ERCC6L2: variants seen among roughly 807,000 people sequenced by gnomAD.
The protein encoded by ERCC6L2 is ERCC excision repair 6 like 2.
Under a neutral mutation model 132.0 loss-of-function variants are expected in ERCC6L2, and 77 were observed. The ratio of observed to expected loss-of-function variants is 0.58; its 90% CI spans 0.49 to 0.71. ERCC6L2 has a LOEUF of 0.71. Among genes scored for constraint, ERCC6L2 ranks in the 30% least tolerant of loss-of-function variants. The probability of loss-of-function intolerance (pLI) is 0.00; values close to 1 mark genes in which losing one functional copy is unlikely to be tolerated. For synonymous variants in ERCC6L2, 583 were observed against 632.4 expected (o/e 0.92, Z 1.17); for missense variants, 1,542 against 1,837.6 (o/e 0.84, Z 2.94).
intron 12 of ERCC6L2, among the ~76,000 whole-genome samples, chr9:95,954,408 T>C (rs1029666693): frequency 6.6e-6 from 1 of 152,212 alleles, no homozygotes; most frequent in African/African-American, 2.4e-5. Flanking sequence ...ACTGAATAAA[T>C]GGCATTCCTT....
intron 13 of ERCC6L2, among the ~76,000 whole-genome samples, chr9:95,961,969 A>C (rs992947680): frequency 6.6e-6 from 1 of 151,106 alleles, no homozygotes; most frequent in African/African-American, 2.4e-5. Flanking sequence ...TGAACCGCCC[A>C]CATGATTCAG....
chr9:95,989,099 T>G (rs551219992), intron 17 of ERCC6L2, among the ~76,000 whole-genome samples: 1 of 152,332 alleles, frequency 6.6e-6, no homozygotes, highest in East Asian at 1.9e-4. Context: ...CTGTGCCCTC[T>G]GGGAATGTCC....
chr9:95,897,809 T>G, intron 2 of ERCC6L2, 40 bp from the exon 3 acceptor site: 1 of 1,601,600 alleles, frequency 6.2e-7, no homozygotes, highest in Non-Finnish European at 8.5e-7. Flanking sequence ...TACGTCATGA[T>G]ACATTATACA....
At chr9:95,980,103 AG>A (rs1564283289) in intron 17 of ERCC6L2, among the ~76,000 whole-genome samples, 1 of 152,210 alleles carries the variant, frequency 6.6e-6, no homozygotes. Context: ...CTGTTTCTTA[AG>A]CAAAGTTATA....
At chr9:96,039,408 G>A (rs750688515) in intron 20 of ERCC6L2, among the ~76,000 whole-genome samples, 85 of 152,266 alleles carry the variant, frequency 5.6e-4, no homozygotes, top group Non-Finnish European at 9.0e-4. Context: ...GGGCTGAGGC[G>A]TAGAGAAGAG....
chr9:96,005,533 G>A (rs987963826), intron 18 of ERCC6L2, among the ~76,000 whole-genome samples: 2 of 151,940 alleles, frequency 1.3e-5, no homozygotes, highest in Non-Finnish European at 2.9e-5. Context: ...AAGAGCTGAA[G>A]GATAACCATG....
rs1834099624 is a variant in ERCC6L2 at position 96,013,291 on chromosome 9, A to G, written c.*88A>G. On this transcript the variant is annotated 3_prime_UTR_variant, in exon 19 of 19. Coordinates refer to ENST00000653738, the MANE Select transcript of ERCC6L2 (RefSeq NM_020207.7). ...ACACTGATTCTATTATCTTGAACAC[A>G]GTTGTTGACATATATTTTTATTAAA... 4 of 1,085,888 alleles carry G rather than the reference A, an allele frequency of 3.7e-6. No individual in the cohort carries two copies. The highest frequency in any genetic ancestry group is 4.9e-6 in the Non-Finnish European group (4 of 820,832). 67.3% of individuals were successfully genotyped at this position (1,085,888 alleles called of 1,614,324 possible).
chr9:96,012,529 T>A lies in ERCC6L2; in HGVS notation c.3979T>A (p.Cys1327Ser), dbSNP rs777167518. The A allele has an allele frequency of 1.5e-6, 2 of 1,367,494 alleles. No homozygotes were observed. The highest frequency in any genetic ancestry group is 2.0e-6 in the Non-Finnish European group (2 of 1,021,790). The allele number at this position is 1,367,494 out of a possible 1,614,324, so 84.7% of individuals were successfully genotyped here. A position where few individuals can be genotyped will look rare whatever the true frequency, so the allele number is the denominator to read the frequency against. ...TTCTACCAACAAAATTTCTCAAGTT[T>A]GCAGCCTAAAAACATATAAAAGAAA... ...KDSTNKISQV[C>S]SLKTYKRKSV... The change falls in exon 19 of 19, where the codon TGC (cysteine) becomes AGC (serine). Residue 1327 changes from cysteine to serine, a missense_variant. Physicochemically the swap from Cys to Ser is moderately radical, Grantham distance 112. Around this residue, in one of 4 missense-constraint regions of ERCC6L2, gnomAD observed 442 missense variants for 583.4 expected, o/e 0.76. Coordinates refer to ENST00000653738, the MANE Select transcript of ERCC6L2 (RefSeq NM_020207.7).
At chr9:95,927,916 A>G (rs1329108747) in intron 9 of ERCC6L2, among the ~76,000 whole-genome samples, 163 bp from the exon 10 acceptor site, 3 of 152,204 alleles carry the variant, frequency 2.0e-5, no homozygotes, top group African/African-American at 7.2e-5. Flanking sequence ...AATAGCTAAT[A>G]CTTTATTTCT....
At chr9:96,030,205 C>G (rs1215345649) in intron 19 of ERCC6L2, among the ~76,000 whole-genome samples, 1 of 152,132 alleles carries the variant, frequency 6.6e-6, no homozygotes, top group Non-Finnish European at 1.5e-5. Context: ...TCAGTCAGCA[C>G]CCTGTAAAAT....
intron 3 of ERCC6L2, among the ~76,000 whole-genome samples, chr9:95,905,547 A>C (rs1389995799): frequency 3.9e-5 from 6 of 152,198 alleles, no homozygotes; most frequent in Admixed American, 6.6e-5. Context: ...TCAAAGGGAG[A>C]CACTGTAATT....
intron 9 of ERCC6L2, among the ~76,000 whole-genome samples, chr9:95,927,650 A>T (rs1418661448): frequency 6.6e-6 from 1 of 152,174 alleles, no homozygotes; most frequent in African/African-American, 2.4e-5. Flanking sequence ...TAGAACCTAG[A>T]TGTAATTGAA....
intron 4 of ERCC6L2, among the ~76,000 whole-genome samples, chr9:95,908,220 GTAACTGTGT>G (rs1413598620): frequency 6.6e-5 from 10 of 152,144 alleles, no homozygotes; most frequent in African/African-American, 1.9e-4. Flanking sequence ...ACCTCAGAAT[GTAACTGTGT>G]TTAGAGACAG....
intron 19 of ERCC6L2, among the ~76,000 whole-genome samples, chr9:96,030,871 G>C (rs971890088): frequency 4.6e-5 from 7 of 152,188 alleles, no homozygotes; most frequent in African/African-American, 1.4e-4. Context: ...TAAACCTTCT[G>C]AGCCTTCATT....
At position 95,921,221 on chromosome 9, in the gene ERCC6L2, CAG is replaced by C; in HGVS notation, c.1206_1207del (p.Leu404ArgfsTer13). The C allele has an allele frequency of 6.2e-7, 1 of 1,613,278 alleles. No homozygotes were observed. The highest frequency in any genetic ancestry group is 8.5e-7 in the Non-Finnish European group (1 of 1,179,456). ...GATTTCCAGAAAGCTGTCTATCAAA[CAG>C]TGTTAGAAACAGAGGACGTGACTTT... is the stretch of plus-strand genomic sequence containing the variant. On this transcript the variant is annotated frameshift_variant, in exon 7 of 19. Coordinates refer to ENST00000653738, the MANE Select transcript of ERCC6L2 (RefSeq NM_020207.7). LOFTEE classifies it high-confidence loss of function.
intron 12 of ERCC6L2, among the ~76,000 whole-genome samples, chr9:95,947,717 G>A (rs1361052007): frequency 1.3e-5 from 2 of 152,192 alleles, no homozygotes; most frequent in East Asian, 3.8e-4. Context: ...GTTAAAGCCA[G>A]TGCTCATTTA....
intron 17 of ERCC6L2, among the ~76,000 whole-genome samples, chr9:96,003,547 A>G (rs1386488956): frequency 6.6e-6 from 1 of 152,110 alleles, no homozygotes; most frequent in East Asian, 1.9e-4. Flanking sequence ...TTGACTCCTC[A>G]TTCCTGTTTT....
chr9:95,984,178 TATAC>T (rs1833000442), intron 17 of ERCC6L2, among the ~76,000 whole-genome samples: 1 of 149,780 alleles, frequency 6.7e-6, no homozygotes, highest in African/African-American at 2.4e-5. Context: ...ATATGTTACA[TATAC>T]ATACAAATAT....
At chr9:96,040,446 G>T (rs1834565781) in intron 20 of ERCC6L2, among the ~76,000 whole-genome samples, 1 of 152,210 alleles carries the variant, frequency 6.6e-6, no homozygotes, top group African/African-American at 2.4e-5. Flanking sequence ...ATGAAGGCCT[G>T]GCCTCTGATT....
Sources: gnomAD v4.1 joint callset for allele counts (sites outside exome capture counted in the v4.1 genomes callset) on GRCh38, gnomAD v4.1.1 for gene constraint, gnomAD v4.1.1 regional missense constraint, MANE v1.5 for transcripts, NCBI Gene and HGNC (gene_info 2026-07-23, HGNC 2026-07-21) for gene names.